PHF14: variants seen among roughly 807,000 people sequenced by gnomAD.
The protein encoded by PHF14 is PHD finger protein 14.
PHF14 carries 55 observed loss-of-function variants against 117.9 expected under a neutral mutation model. The observed-to-expected ratio is 0.47, with a 90% CI of 0.38 to 0.58. The LOEUF is 0.58. Ranked by LOEUF, PHF14 falls within the 20% of genes least tolerant of loss-of-function variation. The probability of loss-of-function intolerance (pLI) is 0.00; values close to 1 mark genes in which losing one functional copy is unlikely to be tolerated. For missense variants in PHF14, 978 were observed against 1,122.2 expected, an observed-to-expected ratio of 0.87 and a Z score of 1.84; for synonymous variants, 409 against 368.6, an observed-to-expected ratio of 1.11 and a Z score of -1.26.
chr7:10,974,683 T>G (rs1488851371), intron 1 of PHF14, among the ~76,000 whole-genome samples, 152 bp from the exon 2 acceptor site: 1 of 152,184 alleles, frequency 6.6e-6, no homozygotes, highest in African/African-American at 2.4e-5. Context: ...ACCCTGCTTC[T>G]GCACCCCAAC....
chr7:10,979,542 C>G (rs1781983186), intron 2 of PHF14, among the ~76,000 whole-genome samples: 1 of 149,792 alleles, frequency 6.7e-6, no homozygotes, highest in Admixed American at 6.6e-5. Flanking sequence ...TTTTTCCTTT[C>G]CTTTCTCTCT....
At chr7:10,988,348 A>G (rs1021051731) in intron 3 of PHF14, among the ~76,000 whole-genome samples, 6 of 152,188 alleles carry the variant, frequency 3.9e-5, no homozygotes, top group African/African-American at 1.4e-4. Flanking sequence ...AAATAGAGGA[A>G]TTAGAACTGC....
At chr7:11,116,363 G>T (rs1383191322) in intron 17 of PHF14, among the ~76,000 whole-genome samples, 1 of 151,998 alleles carries the variant, frequency 6.6e-6, no homozygotes, top group Non-Finnish European at 1.5e-5. Flanking sequence ...TTGTTACTGG[G>T]ATATTGCTTT....
intron 16 of PHF14, among the ~76,000 whole-genome samples, chr7:11,094,298 G>A (rs1036404891): frequency 1.1e-4 from 16 of 152,216 alleles, no homozygotes; most frequent in African/African-American, 3.9e-4. Context: ...AGTTTCATTT[G>A]GTCAAGGTGT....
chr7:10,998,990 C>A (rs995107858), intron 4 of PHF14, among the ~76,000 whole-genome samples: 1 of 152,126 alleles, frequency 6.6e-6, no homozygotes, highest in East Asian at 1.9e-4. Flanking sequence ...ATTGGGAAAT[C>A]GTACACATTT....
chr7:11,094,272 A>T (rs1312714520), intron 16 of PHF14, among the ~76,000 whole-genome samples: 3 of 152,224 alleles, frequency 2.0e-5, no homozygotes, highest in Non-Finnish European at 4.4e-5. Context: ...ATTTTGGAAG[A>T]CATAAGTCCA....
At chr7:11,053,836 A>G (rs1288539971) in intron 14 of PHF14, among the ~76,000 whole-genome samples, 9 of 151,982 alleles carry the variant, frequency 5.9e-5, no homozygotes, top group African/African-American at 2.2e-4. Flanking sequence ...GAAGCTTTAA[A>G]ATTTGCTAAT....
intron 2 of PHF14, among the ~76,000 whole-genome samples, chr7:10,977,627 T>C (rs1471527305): frequency 1.3e-5 from 2 of 152,196 alleles, no homozygotes; most frequent in African/African-American, 4.8e-5. Flanking sequence ...TATTTTATTT[T>C]TAATGCAAAA....
At chr7:11,103,087 C>T (rs1035684285) in intron 16 of PHF14, 22 of 969,272 alleles carry the variant, frequency 2.3e-5, no homozygotes, top group Non-Finnish European at 2.7e-5. Context: ...CAACTATAGA[C>T]TCATATTAAA....
At chr7:11,054,112 G>C (rs1372285865) in intron 14 of PHF14, among the ~76,000 whole-genome samples, 1 of 151,692 alleles carries the variant, frequency 6.6e-6, no homozygotes. Context: ...CATTTTTTAA[G>C]ACACTTTTTT....
chr7:11,122,797 G>T lies in PHF14; in HGVS notation c.2772+11330G>T, dbSNP rs574209015. Among the ~76,000 whole-genome samples, 358 of 152,150 alleles carry T rather than the reference G, an allele frequency of 2.4e-3. 3 individuals carry two copies. Among genetic ancestry groups the T allele is most frequent in the African/African-American group, 8.1e-3 (335 of 41,506 alleles). Reference sequence around the variant, plus strand: ...TATAGTTCCAGCTTAGTCCAGTCCTGCTGTATATTAAATTAGTAGTAGCTT... The same window carrying T: ...TATAGTTCCAGCTTAGTCCAGTCCTTCTGTATATTAAATTAGTAGTAGCTT... On this transcript the variant is annotated intron_variant, in intron 17 of 17. Transcript: ENST00000634607.
At chr7:11,103,354 A>T in intron 16 of PHF14, 1 of 949,302 alleles carries the variant, frequency 1.1e-6, no homozygotes, top group Non-Finnish European at 1.3e-6. Flanking sequence ...TCTCAACCTT[A>T]AATATGAACT....
intron 4 of PHF14, among the ~76,000 whole-genome samples, chr7:11,002,034 T>C (rs1172900343): frequency 6.6e-6 from 1 of 151,056 alleles, no homozygotes; most frequent in Admixed American, 6.6e-5. Context: ...CTTATTTCTG[T>C]TTGTGTTTTT....
chr7:11,035,850 C>T (rs1471213155), intron 8 of PHF14, 64 bp downstream of exon 8: 74 of 1,276,852 alleles, frequency 5.8e-5, no homozygotes, highest in South Asian at 4.9e-4. Context: ...TTTTACGTCT[C>T]GTGTGGCTTC....
chr7:11,020,501 C>G (rs10269354), intron 5 of PHF14, among the ~76,000 whole-genome samples: 16,687 of 152,088 alleles, frequency 0.11, 1,101 homozygotes, highest in African/African-American at 0.19. Context: ...ACCTCAGCCT[C>G]CCAAGTAGCT....
At chr7:11,104,461 G>T (rs369391817) in intron 16 of PHF14, 1 of 975,530 alleles carries the variant, frequency 1.0e-6, no homozygotes, top group East Asian at 1.1e-4. Context: ...ACTACTATAA[G>T]GAGAAAATTG....
chr7:11,169,040 T>C (rs1789291741), intron 17 of PHF14, among the ~76,000 whole-genome samples: 1 of 151,384 alleles, frequency 6.6e-6, no homozygotes, highest in African/African-American at 2.4e-5. Flanking sequence ...GTATACTAGA[T>C]GGGGCAAAAA....
At chr7:11,088,911 T>C (rs1205873635) in intron 16 of PHF14, among the ~76,000 whole-genome samples, 4 of 152,180 alleles carry the variant, frequency 2.6e-5, no homozygotes, top group African/African-American at 9.6e-5. Context: ...TGCTACTAAA[T>C]TGTTACATAT....
chr7:11,118,851 C>A (rs1289169019), intron 17 of PHF14, among the ~76,000 whole-genome samples: 1 of 151,730 alleles, frequency 6.6e-6, no homozygotes, highest in Middle Eastern at 3.4e-3. Flanking sequence ...CCTTAAGCAT[C>A]ATTTTGAAAA....
Sources: gnomAD v4.1 joint callset for allele counts (sites outside exome capture counted in the v4.1 genomes callset) on GRCh38, gnomAD v4.1.1 for gene constraint, MANE v1.5 for transcripts, NCBI Gene and HGNC (gene_info 2026-07-23, HGNC 2026-07-21) for gene names.